QKI: variants seen among roughly 807,000 people sequenced by gnomAD.
QKI encodes KH domain-containing RNA-binding protein QKI.
Under a neutral mutation model 39.0 loss-of-function variants are expected in QKI, and 10 were observed. The ratio of observed to expected loss-of-function variants is 0.26; its 90% CI spans 0.16 to 0.43. The LOEUF is 0.43. QKI is among the 20% of genes least tolerant of loss of function. QKI has a pLI of 1.00. For missense variants in QKI, 218 were observed against 428.0 expected (o/e 0.51, Z 4.33); for synonymous variants, 204 against 155.4 (o/e 1.31, Z -2.33).
At chr6:163,525,323 C>T (rs2128238787) in intron 3 of QKI, among the ~76,000 whole-genome samples, 1 of 144,736 alleles carries the variant, frequency 6.9e-6, no homozygotes. Context: ...TCTTTTCTCT[C>T]TCTCCTCTCT....
chr6:163,460,449 C>T (rs1389275069), intron 2 of QKI, among the ~76,000 whole-genome samples: 2 of 152,190 alleles, frequency 1.3e-5, no homozygotes, highest in Non-Finnish European at 2.9e-5. Flanking sequence ...TCCACTGTCT[C>T]TCTTATAATA....
intron 2 of QKI, among the ~76,000 whole-genome samples, chr6:163,470,302 G>A (rs1020455935): frequency 1.3e-5 from 2 of 152,002 alleles, no homozygotes; most frequent in African/African-American, 4.8e-5. Flanking sequence ...TGATGGATAC[G>A]TACTTTAGGA....
intron 2 of QKI, among the ~76,000 whole-genome samples, chr6:163,458,624 T>C (rs1791114224): frequency 6.6e-6 from 1 of 152,156 alleles, no homozygotes; most frequent in African/African-American, 2.4e-5. Context: ...GCAGTGCAGA[T>C]CTCTGAAACT....
At chr6:163,452,745 T>A (rs1279700733) in intron 1 of QKI, among the ~76,000 whole-genome samples, 2 of 152,212 alleles carry the variant, frequency 1.3e-5, no homozygotes, top group Non-Finnish European at 2.9e-5. Context: ...TTTATTTTTT[T>A]AGACAGTTTT....
chr6:163,479,040 C>T lies in QKI; in HGVS notation c.402+144C>T, dbSNP rs958086397. 1.3e-4 allele frequency: 79 copies of T among 596,724 alleles called. No individual in the cohort carries two copies. The Admixed American group carries it at 2.6e-3, about 20-fold the overall frequency. The allele number at this position is 596,724 out of a possible 1,614,324, so 37.0% of individuals were successfully genotyped here. ...GTGGCTCACGCCTGTAATCCCAGCA[C>T]TTTGGGAGGCCGAGGCAGGCGGATC... On this transcript the variant is annotated intron_variant, in intron 3 of 7. Transcript: ENST00000361752.
intron 1 of QKI, among the ~76,000 whole-genome samples, chr6:163,434,658 T>G (rs1277857524): frequency 6.6e-6 from 1 of 151,788 alleles, no homozygotes; most frequent in East Asian, 1.9e-4. Flanking sequence ...GAGCTTGCAG[T>G]GAGCCAGGAT....
At chr6:163,422,957 G>A (rs556871982) in intron 1 of QKI, among the ~76,000 whole-genome samples, 36 of 152,286 alleles carry the variant, frequency 2.4e-4, no homozygotes, top group Admixed American at 1.1e-3. Context: ...CATTTTAAGA[G>A]TAGAATTAGG....
intron 1 of QKI, among the ~76,000 whole-genome samples, chr6:163,443,271 A>G (rs1319282874): frequency 6.6e-6 from 1 of 152,220 alleles, no homozygotes; most frequent in African/African-American, 2.4e-5. Flanking sequence ...TTGTTTCTTA[A>G]GCCTTTAAAA....
intron 1 of QKI, among the ~76,000 whole-genome samples, chr6:163,451,169 TG>T (rs1790534669): frequency 6.6e-6 from 1 of 152,236 alleles, no homozygotes; most frequent in Non-Finnish European, 1.5e-5. Context: ...AATTATGGAA[TG>T]GTAGAGACTT....
At chr6:163,478,414 A>G (rs1174378894) in intron 2 of QKI, among the ~76,000 whole-genome samples, 1 of 152,226 alleles carries the variant, frequency 6.6e-6, no homozygotes, top group African/African-American at 2.4e-5. Flanking sequence ...TGTCATGACA[A>G]AGAGACAGTT....
At chr6:163,566,938 C>A in intron 7 of QKI, 143 bp downstream of exon 7, 1 of 1,437,478 alleles carries the variant, frequency 7.0e-7, no homozygotes. Context: ...TGATCATTGA[C>A]AGATTTAAGG....
chr6:163,502,777 A>G (rs1778852118), intron 3 of QKI, among the ~76,000 whole-genome samples: 1 of 151,998 alleles, frequency 6.6e-6, no homozygotes, highest in African/African-American at 2.4e-5. Context: ...TGGTGGTTCC[A>G]TGTCTTTGCT....
intron 2 of QKI, among the ~76,000 whole-genome samples, chr6:163,458,346 C>T (rs764866330): frequency 1.3e-5 from 2 of 152,124 alleles, no homozygotes; most frequent in Non-Finnish European, 2.9e-5. Flanking sequence ...ATGAGTGAAG[C>T]AGTTGGAAAA....
At chr6:163,556,123 T>C (rs1321419678) in intron 4 of QKI, among the ~76,000 whole-genome samples, 1 of 152,196 alleles carries the variant, frequency 6.6e-6, no homozygotes, top group Non-Finnish European at 1.5e-5. Context: ...AATGATTGGA[T>C]AATGAAGATC....
At chr6:163,438,680 T>G (rs1789496195) in intron 1 of QKI, among the ~76,000 whole-genome samples, 1 of 152,132 alleles carries the variant, frequency 6.6e-6, no homozygotes, top group South Asian at 2.1e-4. Context: ...TATACCTGTA[T>G]AAAGCACTTA....
intron 2 of QKI, among the ~76,000 whole-genome samples, chr6:163,473,015 G>A (rs909102269): frequency 6.6e-6 from 1 of 152,006 alleles, no homozygotes; most frequent in Admixed American, 6.6e-5. Context: ...TAAATGAAGA[G>A]TAGAAATCAA....
At chr6:163,513,435 T>C (rs531659832) in intron 3 of QKI, among the ~76,000 whole-genome samples, 1 of 152,214 alleles carries the variant, frequency 6.6e-6, no homozygotes, top group Non-Finnish European at 1.5e-5. Flanking sequence ...TCACAGAGTT[T>C]TTATTTGTAT....
At chr6:163,543,446 C>T (rs1322444090) in intron 4 of QKI, among the ~76,000 whole-genome samples, 1 of 151,972 alleles carries the variant, frequency 6.6e-6, no homozygotes, top group African/African-American at 2.4e-5. Flanking sequence ...TCTGGGGACC[C>T]AGAGTGTGGT....
At chr6:163,568,586 A>C in intron 7 of QKI, 2 of 978,012 alleles carry the variant, frequency 2.0e-6, no homozygotes, top group South Asian at 9.5e-5. Flanking sequence ...TCCTTCACTT[A>C]AATTATTTTA....
Sources: gnomAD v4.1 joint callset for allele counts (sites outside exome capture counted in the v4.1 genomes callset) on GRCh38, gnomAD v4.1.1 for gene constraint, MANE v1.5 for transcripts, NCBI Gene and HGNC (gene_info 2026-07-23, HGNC 2026-07-21) for gene names.